Variants in RBFOX1 observed in about 807,000 individuals in gnomAD.
RBFOX1 encodes the protein RNA binding protein fox-1 homolog 1.
In RBFOX1, 8 loss-of-function variants were observed where a neutral mutation model predicts 57.7. The observed-to-expected ratio is 0.14, with a 90% CI of 0.08 to 0.25. The LOEUF (loss-of-function observed/expected upper bound fraction) is 0.25, where lower values mean the gene tolerates loss of function less well. Ranked by LOEUF, RBFOX1 falls within the 10% of genes least tolerant of loss-of-function variation. RBFOX1 has a pLI of 1.00. For missense variants in RBFOX1, 611 were observed against 548.5 expected, an observed-to-expected ratio of 1.11 and a Z score of -1.14; for synonymous variants, 326 against 222.4, an observed-to-expected ratio of 1.47 and a Z score of -4.15.
chr16:6,649,850 A>G (rs568749730), intron 2 of RBFOX1, among the ~76,000 whole-genome samples: 12 of 152,170 alleles, frequency 7.9e-5, no homozygotes, highest in Non-Finnish European at 1.5e-4. Context: ...AGTATATTAT[A>G]TATTGTATTC....
chr16:6,677,678 G>A (rs560357604), intron 3 of RBFOX1, among the ~76,000 whole-genome samples: 11 of 152,242 alleles, frequency 7.2e-5, no homozygotes, highest in African/African-American at 1.2e-4. Flanking sequence ...AAAGTTGGAC[G>A]GCTGTATCCA....
intron 3 of RBFOX1, among the ~76,000 whole-genome samples, chr16:6,677,534 G>A (rs1446525673): frequency 6.6e-6 from 1 of 152,118 alleles, no homozygotes; most frequent in East Asian, 1.9e-4. Flanking sequence ...ACATCAGGGA[G>A]CTAGGATTAA....
At chr16:7,610,117 CCT>C (rs1491312473) in intron 10 of RBFOX1, among the ~76,000 whole-genome samples, 2 of 47,800 alleles carry the variant, frequency 4.2e-5, no homozygotes, top group Admixed American at 2.5e-4. Flanking sequence ...CGCCCGGCCC[CCT>C]TTTTTTTTTT....
intron 2 of RBFOX1, among the ~76,000 whole-genome samples, chr16:6,418,690 T>C (rs1481873587): frequency 1.3e-5 from 2 of 151,882 alleles, no homozygotes; most frequent in Non-Finnish European, 2.9e-5. Flanking sequence ...ACCTGGCTAA[T>C]TTAAGAAGTA....
intron 2 of RBFOX1, among the ~76,000 whole-genome samples, chr16:6,351,397 G>C (rs2086367496): frequency 1.6e-5 from 2 of 122,816 alleles, no homozygotes; most frequent in African/African-American, 7.2e-5. Context: ...TCTTGAGGCA[G>C]AGTTTTGCTC....
At chr16:5,792,094 C>G (rs1196452766) in intron 3 of RBFOX1, among the ~76,000 whole-genome samples, 1 of 152,132 alleles carries the variant, frequency 6.6e-6, no homozygotes, top group Non-Finnish European at 1.5e-5. Flanking sequence ...ATTTCTGATT[C>G]CCTTAAGAGC....
intron 4 of RBFOX1, among the ~76,000 whole-genome samples, chr16:7,301,785 A>G (rs2096041158): frequency 6.6e-6 from 1 of 152,218 alleles, no homozygotes; most frequent in Non-Finnish European, 1.5e-5. Context: ...CCGTCCGTAC[A>G]GCAGATTGCT....
At chr16:7,347,369 G>A (rs1603626348) in intron 4 of RBFOX1, among the ~76,000 whole-genome samples, 1 of 152,164 alleles carries the variant, frequency 6.6e-6, no homozygotes, top group East Asian at 1.9e-4. Context: ...GGCAAAGAGA[G>A]CTCGTGCAGG....
At chr16:7,413,751 C>G (rs757060933) in intron 4 of RBFOX1, among the ~76,000 whole-genome samples, 1 of 152,036 alleles carries the variant, frequency 6.6e-6, no homozygotes, top group Non-Finnish European at 1.5e-5. Context: ...TTTAAGAGCT[C>G]AGTTTAATGA....
chr16:7,219,823 C>T (rs1017158616), intron 4 of RBFOX1, among the ~76,000 whole-genome samples: 16 of 152,128 alleles, frequency 1.1e-4, no homozygotes, highest in African/African-American at 2.7e-4. Context: ...CATGACCTTC[C>T]ACCAAAGGAT....
In RBFOX1 at chr16:6,716,230, C is replaced by T. The variant is rs185221832; in HGVS notation, c.-16+61580C>T. Among the ~76,000 whole-genome samples, 3 of 152,296 alleles carry T rather than the reference C, an allele frequency of 2.0e-5. No individual in the cohort carries two copies. The East Asian group carries it at 5.8e-4, about 29-fold the overall frequency. ...ACAAAAATGATGCAAGAAATTGCTT[C>T]TCTTAGTATGTATTTCCCCTTTGCC... On this transcript the variant is annotated intron_variant, in intron 3 of 15. Transcript: ENST00000550418.
chr16:7,315,603 G>A (rs1028486595), intron 4 of RBFOX1, among the ~76,000 whole-genome samples: 1 of 151,636 alleles, frequency 6.6e-6, no homozygotes, highest in African/African-American at 2.4e-5. Context: ...AATATTCATT[G>A]TGGAAGATAG....
intron 2 of RBFOX1, among the ~76,000 whole-genome samples, chr16:6,544,801 G>T (rs966622445): frequency 5.9e-5 from 9 of 152,276 alleles, no homozygotes; most frequent in Admixed American, 5.2e-4. Flanking sequence ...TGCTGAGCAC[G>T]TAGATTAGTC....
chr16:5,371,769 C>A (rs2151373651), intron 1 of RBFOX1, among the ~76,000 whole-genome samples: 1 of 152,086 alleles, frequency 6.6e-6, no homozygotes, highest in South Asian at 2.1e-4. Flanking sequence ...TGGGCTGCAC[C>A]TTGGCCCTGG....
At chr16:6,450,791 ATATATATATGTATAT>A (rs2094583422) in intron 2 of RBFOX1, among the ~76,000 whole-genome samples, 2 of 22,068 alleles carry the variant, frequency 9.1e-5, no homozygotes, top group Non-Finnish European at 1.4e-4. Flanking sequence ...ATATATATAC[ATATATATATGTATAT>A]ATATATATAT....
At chr16:5,411,549 C>A (rs554067069) in intron 1 of RBFOX1, among the ~76,000 whole-genome samples, 1 of 152,266 alleles carries the variant, frequency 6.6e-6, no homozygotes, top group South Asian at 2.1e-4. Context: ...TGTAAGATGG[C>A]AAACGTGTGT....
At chr16:6,756,620 A>G (rs2075825512) in intron 3 of RBFOX1, among the ~76,000 whole-genome samples, 1 of 152,170 alleles carries the variant, frequency 6.6e-6, no homozygotes, top group South Asian at 2.1e-4. Flanking sequence ...CATAGCAATA[A>G]TAATAATAAT....
intron 3 of RBFOX1, among the ~76,000 whole-genome samples, chr16:6,977,706 A>T (rs2087434899): frequency 6.6e-6 from 1 of 152,160 alleles, no homozygotes; most frequent in African/African-American, 2.4e-5. Flanking sequence ...TATTGATTGA[A>T]ATGAATTGAA....
intron 3 of RBFOX1, among the ~76,000 whole-genome samples, chr16:7,029,730 G>C (rs965689344): frequency 6.6e-6 from 1 of 152,134 alleles, no homozygotes; most frequent in Non-Finnish European, 1.5e-5. Context: ...GCATCTCATG[G>C]TGTAACCACT....
Sources: allele counts gnomAD v4.1 joint callset (sites outside exome capture counted in the v4.1 genomes callset), GRCh38; gene constraint gnomAD v4.1.1; transcripts MANE v1.5; gene names NCBI Gene and HGNC (gene_info 2026-07-23, HGNC 2026-07-21).